The following THSD4 variants were observed in gnomAD, a reference collection of about 807,000 sequenced individuals.
The protein encoded by THSD4 is thrombospondin type-1 domain-containing protein 4.
THSD4 carries 69 observed loss-of-function variants against 119.0 expected under a neutral mutation model. The ratio of observed to expected loss-of-function variants is 0.58; its 90% confidence interval spans 0.48 to 0.71. The LOEUF (loss-of-function observed/expected upper bound fraction) is 0.71. Among genes scored for constraint, THSD4 ranks in the 30% least tolerant of loss-of-function variants. The pLI is 0.00. For synonymous variants in THSD4, 524 were observed against 540.4 expected (o/e 0.97, Z 0.42); for missense variants, 1,393 against 1,391.1 (o/e 1.00, Z -0.02).
intron 6 of THSD4, among the ~76,000 whole-genome samples, chr15:71,327,316 A>G (rs2045359447): frequency 6.6e-6 from 1 of 152,110 alleles, no homozygotes; most frequent in Non-Finnish European, 1.5e-5. Flanking sequence ...CCACCGGCCT[A>G]CAGTTTCAAA....
chr15:71,338,353 G>C lies in THSD4; in HGVS notation c.1016-73334G>C, dbSNP rs2045514732. Among the ~76,000 whole-genome samples, 4 of 150,946 alleles carry C rather than the reference G, an allele frequency of 2.6e-5. No individual in the cohort carries two copies. In the South Asian group the frequency reaches 8.3e-4, roughly 31 times the overall value. On this transcript the variant is annotated intron_variant, in intron 6 of 17. Coordinates refer to ENST00000261862, the MANE Select transcript of THSD4 (RefSeq NM_024817.3). ...GAAAGCAAGGGGTCTGCTTCATGTA[G>C]CATGATAAACACTCTTTGGACCGGA...
chr15:71,505,324 T>C (rs1047962595), intron 7 of THSD4, among the ~76,000 whole-genome samples: 1 of 152,240 alleles, frequency 6.6e-6, no homozygotes, highest in African/African-American at 2.4e-5. Context: ...ACAATCTCTT[T>C]CTGTACAGAG....
chr15:71,470,055 TA>T (rs2047552408), intron 7 of THSD4, among the ~76,000 whole-genome samples: 1 of 152,222 alleles, frequency 6.6e-6, no homozygotes, highest in African/African-American at 2.4e-5. Context: ...TGCAAAGGTG[TA>T]AAGGCATGAA....
chr15:71,492,894 CTT>C (rs11437149), intron 7 of THSD4, among the ~76,000 whole-genome samples: 4 of 144,194 alleles, frequency 2.8e-5, no homozygotes, highest in Non-Finnish European at 3.1e-5. Context: ...CATGAAATGT[CTT>C]TTTTTTTTTT....
chr15:71,135,571 A>C (rs1001234917), intron 1 of THSD4, among the ~76,000 whole-genome samples: 1 of 152,162 alleles, frequency 6.6e-6, no homozygotes, highest in Non-Finnish European at 1.5e-5. Flanking sequence ...TTTAAAGCCT[A>C]TGCCTTCCTC....
At chr15:71,525,525 C>G (rs2048505604) in intron 7 of THSD4, among the ~76,000 whole-genome samples, 1 of 152,176 alleles carries the variant, frequency 6.6e-6, no homozygotes, top group African/African-American at 2.4e-5. Context: ...TGCGTTTATT[C>G]AAACTATGAG....
intron 7 of THSD4, among the ~76,000 whole-genome samples, chr15:71,581,482 T>C (rs1483233788): frequency 6.6e-6 from 1 of 152,196 alleles, no homozygotes; most frequent in Admixed American, 6.5e-5. Flanking sequence ...ATTCCATAGG[T>C]TGCCTTTCCA....
intron 14 of THSD4, among the ~76,000 whole-genome samples, chr15:71,751,287 A>T (rs2053444383): frequency 6.6e-6 from 1 of 152,194 alleles, no homozygotes; most frequent in Admixed American, 6.5e-5. Context: ...TTTATATTGG[A>T]ATGATTCTTT....
intron 7 of THSD4, among the ~76,000 whole-genome samples, chr15:71,638,866 A>C (rs1376817822): frequency 6.6e-6 from 1 of 152,164 alleles, no homozygotes; most frequent in Non-Finnish European, 1.5e-5. Flanking sequence ...TTTCTCTCAT[A>C]CTTGTTCATA....
intron 6 of THSD4, among the ~76,000 whole-genome samples, chr15:71,282,965 GAT>G (rs1491345811): frequency 2.6e-4 from 38 of 145,704 alleles, no homozygotes; most frequent in African/African-American, 9.6e-4. Flanking sequence ...GGGCAGGTTA[GAT>G]TTTTTTTTTT....
chr15:71,429,510 G>A (rs2046915421), intron 7 of THSD4, among the ~76,000 whole-genome samples: 1 of 152,186 alleles, frequency 6.6e-6, no homozygotes, highest in South Asian at 2.1e-4. Context: ...TAAGGGAAGG[G>A]GCAGAGGTAG....
chr15:71,585,264 A>T (rs2049642471), intron 7 of THSD4, among the ~76,000 whole-genome samples: 1 of 152,180 alleles, frequency 6.6e-6, no homozygotes, highest in Non-Finnish European at 1.5e-5. Context: ...TCTTGTAAGG[A>T]AGACCTAATT....
chr15:71,741,388 GA>G (rs1207764064), intron 11 of THSD4, among the ~76,000 whole-genome samples: 13 of 152,182 alleles, frequency 8.5e-5, no homozygotes, highest in East Asian at 1.9e-4. Context: ...AGCTACTCGG[GA>G]GGCTGAGGCA....
chr15:71,322,583 G>A (rs2045282596), intron 6 of THSD4, among the ~76,000 whole-genome samples: 1 of 152,232 alleles, frequency 6.6e-6, no homozygotes, highest in South Asian at 2.1e-4. Context: ...CTATAGGTCA[G>A]GAATTGAGAA....
At chr15:71,585,584 G>A (rs1041262880) in intron 7 of THSD4, among the ~76,000 whole-genome samples, 1 of 151,974 alleles carries the variant, frequency 6.6e-6, no homozygotes, top group Non-Finnish European at 1.5e-5. Flanking sequence ...TCTGTTCGGG[G>A]TTACTTGGGC....
chr15:71,593,911 C>T (rs1326754235), intron 7 of THSD4, among the ~76,000 whole-genome samples: 5 of 123,738 alleles, frequency 4.0e-5, no homozygotes, highest in African/African-American at 1.1e-4. Flanking sequence ...CACCCCTTCC[C>T]ACCCCCCCGG....
intron 6 of THSD4, among the ~76,000 whole-genome samples, chr15:71,373,811 G>A (rs535890119): frequency 2.0e-5 from 3 of 152,328 alleles, no homozygotes; most frequent in Admixed American, 6.5e-5. Flanking sequence ...GGCAGTTCAC[G>A]AAAGACAGTG....
At chr15:71,560,518 A>G (rs899754544) in intron 7 of THSD4, among the ~76,000 whole-genome samples, 4 of 152,268 alleles carry the variant, frequency 2.6e-5, no homozygotes, top group Non-Finnish European at 1.5e-5. Context: ...AGAAAGTAGC[A>G]TTTGAGATGG....
In THSD4 at chr15:71,779,231, G is replaced by A. The variant is rs868716565; in HGVS notation, c.*1857G>A. 1.8e-4 allele frequency: 27 copies of A among 152,152 alleles called. No individual in the cohort carries two copies. Among genetic ancestry groups the A allele is most frequent in the African/African-American group, 5.8e-4 (24 of 41,414 alleles). 9.4% of individuals were successfully genotyped at this position (152,152 alleles called of 1,614,324 possible). A position where few individuals can be genotyped will look rare whatever the true frequency, so the allele number is the denominator to read the frequency against. ...GCATCCCCATCTCCTGATTCTCTTG[G>A]AACTCCTACAGATAAGCATCCTGGC... On this transcript the variant is annotated 3_prime_UTR_variant, in exon 18 of 18. Coordinates refer to ENST00000261862, the MANE Select transcript of THSD4 (RefSeq NM_024817.3).
Sources: allele counts gnomAD v4.1 joint callset (sites outside exome capture counted in the v4.1 genomes callset), GRCh38; gene constraint gnomAD v4.1.1; transcripts MANE v1.5; gene names NCBI Gene and HGNC (gene_info 2026-07-23, HGNC 2026-07-21).